Variants in KGD4 observed in about 807,000 individuals in gnomAD.
KGD4 encodes alpha-ketoglutarate dehydrogenase component 4.
chr5:69,223,553 T>C, the KGD4 span, among the ~76,000 whole-genome samples: 97 of 91,236 alleles, frequency 1.1e-3, no homozygotes, highest in South Asian at 2.9e-3. Flanking sequence ...TATATAAATA[T>C]ATTGCAGATA....
chr5:69,228,491 A>C, the KGD4 span: 2 of 1,180,914 alleles, frequency 1.7e-6, no homozygotes, highest in Non-Finnish European at 2.4e-6. Context: ...GTCTTGTCAG[A>C]GTGTGGTCAG....
chr5:69,217,936 G>A, the KGD4 span: 1 of 1,612,884 alleles, frequency 6.2e-7, no homozygotes, highest in African/African-American at 1.3e-5. Flanking sequence ...TGGCGACGGC[G>A]TCGGGGAGTA....
At chr5:69,228,534 TATG>T in the KGD4 span, 8 of 713,174 alleles carry the variant, frequency 1.1e-5, no homozygotes, top group Non-Finnish European at 1.6e-5. Context: ...AGGCCAAGAC[TATG>T]AGAAAGAAAC....
the KGD4 span, chr5:69,218,139 C>T: frequency 3.8e-6 from 2 of 525,944 alleles, no homozygotes; most frequent in East Asian, 3.4e-5. Flanking sequence ...TGCCGGGATC[C>T]CCCGCTCCTC....
At chr5:69,218,669 T>C in the KGD4 span, among the ~76,000 whole-genome samples, 1 of 152,172 alleles carries the variant, frequency 6.6e-6, no homozygotes, top group Non-Finnish European at 1.5e-5. Flanking sequence ...AACCTCCACT[T>C]TTGTGGTTGG....
chr5:69,228,458 C>A, the KGD4 span: 1 of 1,412,790 alleles, frequency 7.1e-7, no homozygotes, highest in Non-Finnish European at 9.7e-7. Context: ...ATTTCATTTG[C>A]TGATTTACAT....
At chr5:69,222,478 G>T in the KGD4 span, among the ~76,000 whole-genome samples, 1 of 152,342 alleles carries the variant, frequency 6.6e-6, no homozygotes, top group African/African-American at 2.4e-5. Context: ...GGCTGGCAAA[G>T]TAGGGAGAGG....
the KGD4 span, chr5:69,217,961 G>A: frequency 2.5e-6 from 4 of 1,605,434 alleles, no homozygotes; most frequent in Non-Finnish European, 3.4e-6. Context: ...CGGTGGCAGA[G>A]GCAGAGCGGT....
At chr5:69,228,197 C>T in the KGD4 span, 708 of 1,479,140 alleles carry the variant, frequency 4.8e-4, 2 homozygotes, top group Non-Finnish European at 6.1e-4. Flanking sequence ...TTTTTAATTT[C>T]AGTATCAGAA....
chr5:69,223,209 C>A, the KGD4 span, among the ~76,000 whole-genome samples: 1 of 150,080 alleles, frequency 6.7e-6, no homozygotes, highest in African/African-American at 2.5e-5. Flanking sequence ...CTCCCGAGTA[C>A]CTGGGACTAC....
At chr5:69,228,428 AT>A in the KGD4 span, 2 of 1,538,972 alleles carry the variant, frequency 1.3e-6, no homozygotes, top group African/African-American at 2.8e-5. Context: ...GCAAAACACC[AT>A]AACATTTGGG....
the KGD4 span, among the ~76,000 whole-genome samples, chr5:69,219,471 C>T: frequency 2.6e-5 from 4 of 152,082 alleles, no homozygotes; most frequent in African/African-American, 9.7e-5. Context: ...CTGATAGCCC[C>T]CAAACCACAA....
the KGD4 span, among the ~76,000 whole-genome samples, chr5:69,219,539 C>G: frequency 6.6e-6 from 1 of 152,080 alleles, no homozygotes; most frequent in Non-Finnish European, 1.5e-5. Flanking sequence ...TAAAATAGTA[C>G]AGTCCAAAGC....
chr5:69,228,037 G>C, the KGD4 span, among the ~76,000 whole-genome samples: 2 of 152,082 alleles, frequency 1.3e-5, no homozygotes, highest in Admixed American at 1.3e-4. Flanking sequence ...AGCCAACTGA[G>C]TTACTCTACA....
the KGD4 span, among the ~76,000 whole-genome samples, chr5:69,221,188 TAA>T: frequency 1.3e-4 from 17 of 130,972 alleles, no homozygotes; most frequent in Non-Finnish European, 1.5e-4. Flanking sequence ...CAATAAATAC[TAA>T]AAAAAAAAAA....
chr5:69,220,974 C>A, the KGD4 span, among the ~76,000 whole-genome samples: 1 of 152,106 alleles, frequency 6.6e-6, no homozygotes, highest in Non-Finnish European at 1.5e-5. Flanking sequence ...TAAACAGATG[C>A]TTGAAGGCAG....
At chr5:69,218,538 A>G in the KGD4 span, among the ~76,000 whole-genome samples, 1 of 151,610 alleles carries the variant, frequency 6.6e-6, no homozygotes, top group Non-Finnish European at 1.5e-5. Flanking sequence ...CCCCTGGTTT[A>G]GATAGACAGC....
At chr5:69,218,272 G>A in the KGD4 span, among the ~76,000 whole-genome samples, 1 of 152,194 alleles carries the variant, frequency 6.6e-6, no homozygotes. Context: ...AGGCGGTAGC[G>A]GGGCGTGGAA....
the KGD4 span, among the ~76,000 whole-genome samples, chr5:69,226,158 G>A: frequency 6.6e-6 from 1 of 152,230 alleles, no homozygotes. Context: ...AAAGTACAAA[G>A]TTGTGTTTAC....
Sources: allele counts gnomAD v4.1 joint callset (sites outside exome capture counted in the v4.1 genomes callset), GRCh38; gene constraint gnomAD v4.1.1; transcripts MANE v1.5; gene names NCBI Gene and HGNC (gene_info 2026-07-23, HGNC 2026-07-21).